PANX1: variants seen among roughly 807,000 people sequenced by gnomAD.
PANX1 encodes pannexin 1, also known as pannexin-1.
In PANX1, 30 loss-of-function variants were observed where a neutral mutation model predicts 38.7. The ratio of observed to expected loss-of-function variants is 0.78; its 90% CI spans 0.58 to 1.05. PANX1 has a LOEUF of 1.05. PANX1 is among the 50% of genes least tolerant of loss of function. The pLI is 0.00. For synonymous variants in PANX1, 230 were observed against 212.2 expected, an observed-to-expected ratio of 1.08 and a Z score of -0.73; for missense variants, 551 against 517.2, an observed-to-expected ratio of 1.07 and a Z score of -0.63.
chr11:94,162,424 G>T (rs546697622), intron 2 of PANX1, among the ~76,000 whole-genome samples: 2 of 152,154 alleles, frequency 1.3e-5, no homozygotes, highest in Non-Finnish European at 2.9e-5. Flanking sequence ...AATGGTGGAC[G>T]CCCCTCCCCC....
At chr11:94,139,770 T>G (rs1374266622) in intron 1 of PANX1, among the ~76,000 whole-genome samples, 1 of 152,228 alleles carries the variant, frequency 6.6e-6, no homozygotes, top group East Asian at 1.9e-4. Context: ...CTGGGAGGGT[T>G]GTGCATCCCA....
At chr11:94,169,018 T>A (rs1257147862) in intron 2 of PANX1, among the ~76,000 whole-genome samples, 1 of 151,582 alleles carries the variant, frequency 6.6e-6, no homozygotes, top group East Asian at 1.9e-4. Context: ...AATCAAAGAG[T>A]TCTGCTTGAA....
rs140834839 is a variant in PANX1, at chr11:94,166,386, C to G, written c.322-11983C>G. Among the ~76,000 whole-genome samples the G allele has an allele frequency of 1.1e-3, 163 of 152,262 alleles. 1 individual carries two copies. Among genetic ancestry groups the G allele is most frequent in the African/African-American group, 3.7e-3 (153 of 41,544 alleles). ...TCAGCTTTTGTTTGTCTGGGAAAGT[C>G]TTTATTTCACCTTTATGTTTGAAGG... On this transcript the variant is annotated intron_variant, in intron 2 of 4. Transcript: ENST00000227638.
Position 94,180,345 on chromosome 11 carries a change from C to T in PANX1, c.1201+88C>T. 3 of 1,150,584 alleles carry T rather than the reference C, an allele frequency of 2.6e-6. No individual in the cohort carries two copies. The South Asian group carries it at 4.8e-5, about 18-fold the overall frequency. The allele number at this position is 1,150,584 out of a possible 1,614,324, so 71.3% of individuals were successfully genotyped here. On this transcript the variant is annotated intron_variant, in intron 4 of 4. Transcript: ENST00000227638. ...GGAATATTGACAGTCTTTACCCTGC[C>T]CATCATTTAAACCATTTCCAAGCAT...
chr11:94,154,156 G>A (rs1946919449), intron 2 of PANX1, among the ~76,000 whole-genome samples: 1 of 152,174 alleles, frequency 6.6e-6, no homozygotes, highest in African/African-American at 2.4e-5. Flanking sequence ...CACTGTTTTT[G>A]GAATGGATCC....
At chr11:94,156,290 C>G (rs1260342642) in intron 2 of PANX1, among the ~76,000 whole-genome samples, 1 of 152,158 alleles carries the variant, frequency 6.6e-6, no homozygotes, top group African/African-American at 2.4e-5. Flanking sequence ...GTATAGGTAG[C>G]CAAACCTTAA....
chr11:94,167,020 C>G (rs1252851103), intron 2 of PANX1, among the ~76,000 whole-genome samples: 2 of 152,152 alleles, frequency 1.3e-5, no homozygotes, highest in East Asian at 3.9e-4. Flanking sequence ...GTGAAGCCAG[C>G]AGGAGTCACT....
chr11:94,154,059 GA>G (rs758620497), intron 2 of PANX1, among the ~76,000 whole-genome samples: 2 of 152,232 alleles, frequency 1.3e-5, no homozygotes, highest in Non-Finnish European at 2.9e-5. Context: ...AGTAAGGACT[GA>G]CCTAGAGTTC....
At chr11:94,152,219 A>T (rs1001032746) in intron 1 of PANX1, among the ~76,000 whole-genome samples, 1 of 152,050 alleles carries the variant, frequency 6.6e-6, no homozygotes, top group African/African-American at 2.4e-5. Context: ...TAATTCAGCA[A>T]CTTCTGGGAA....
chr11:94,158,263 A>C (rs949541971), intron 2 of PANX1, among the ~76,000 whole-genome samples: 1 of 151,968 alleles, frequency 6.6e-6, no homozygotes, highest in Non-Finnish European at 1.5e-5. Flanking sequence ...ACTTTAAAGT[A>C]GTTTTTTCCA....
chr11:94,171,598 C>T (rs935291023), intron 2 of PANX1, among the ~76,000 whole-genome samples: 2 of 151,568 alleles, frequency 1.3e-5, no homozygotes, highest in South Asian at 4.2e-4. Flanking sequence ...GGATTAGAGG[C>T]ACAGGGTTTA....
chr11:94,132,258 G>C (rs900448328), intron 1 of PANX1, among the ~76,000 whole-genome samples: 3 of 152,222 alleles, frequency 2.0e-5, no homozygotes, highest in Non-Finnish European at 4.4e-5. Flanking sequence ...TGGAAGCACG[G>C]TCTAGTAGAG....
At chr11:94,143,066 A>G (rs908951163) in intron 1 of PANX1, among the ~76,000 whole-genome samples, 1 of 152,250 alleles carries the variant, frequency 6.6e-6, no homozygotes, top group African/African-American at 2.4e-5. Context: ...TAATAGTAAC[A>G]GTCATTGTAA....
chr11:94,144,049 T>C (rs996280385), intron 1 of PANX1, among the ~76,000 whole-genome samples: 9 of 151,410 alleles, frequency 5.9e-5, no homozygotes, highest in African/African-American at 2.2e-4. Context: ...CTCACCCATA[T>C]CTAACTGGAT....
At chr11:94,174,492 A>G (rs1324652650) in intron 2 of PANX1, among the ~76,000 whole-genome samples, 1 of 151,694 alleles carries the variant, frequency 6.6e-6, no homozygotes, top group Non-Finnish European at 1.5e-5. Flanking sequence ...GACATAGTTC[A>G]GGTGTTACCT....
chr11:94,145,653 G>T (rs1946821069), intron 1 of PANX1, among the ~76,000 whole-genome samples: 1 of 152,164 alleles, frequency 6.6e-6, no homozygotes. Context: ...TTCCTGTCTG[G>T]TCTCTGCTTC....
In PANX1 at chr11:94,178,493, T is replaced by C. The variant is rs777117950; in HGVS notation, c.446T>C (p.Val149Ala). The C allele has an allele frequency of 1.9e-6, 3 of 1,613,956 alleles. No individual in the cohort carries two copies. The highest frequency in any genetic ancestry group is 3.3e-5 in the Admixed American group (2 of 59,986). The change falls in exon 3 of 5, where the codon GTT becomes GCT. Residue 149 changes from valine (V) to alanine (A), a missense_variant. Transcript: ENST00000227638. ...LKFIMEELDK[V>A]YNRAIKAAKS... ...TTTATCATGGAAGAACTTGACAAAG[T>C]TTACAACCGTGCAATTAAGGCTGCA... is the stretch of plus-strand genomic sequence containing the variant.
intron 1 of PANX1, among the ~76,000 whole-genome samples, chr11:94,142,765 G>A (rs897727644): frequency 6.6e-6 from 1 of 152,220 alleles, no homozygotes; most frequent in Non-Finnish European, 1.5e-5. Context: ...CCCAGTGAAT[G>A]CTTTTTGGGT....
intron 2 of PANX1, among the ~76,000 whole-genome samples, chr11:94,167,387 A>C (rs928764660): frequency 1.3e-5 from 2 of 151,998 alleles, no homozygotes; most frequent in African/African-American, 2.4e-5. Context: ...ATCTTTTTAT[A>C]TTGTCTATCT....
Sources: gnomAD v4.1 joint callset for allele counts (sites outside exome capture counted in the v4.1 genomes callset) on GRCh38, gnomAD v4.1.1 for gene constraint, MANE v1.5 for transcripts, NCBI Gene and HGNC (gene_info 2026-07-23, HGNC 2026-07-21) for gene names.